TNFAIP8: variants seen among roughly 807,000 people sequenced by gnomAD.
TNFAIP8 encodes the protein tumor necrosis factor alpha-induced protein 8.
In TNFAIP8, 7 loss-of-function variants were observed where a neutral mutation model predicts 13.3. The observed-to-expected ratio is 0.52, with a 90% CI of 0.30 to 0.99. The LOEUF (loss-of-function observed/expected upper bound fraction) is 0.99. TNFAIP8 is among the 50% of genes least tolerant of loss of function. The pLI is 0.07. For synonymous variants in TNFAIP8, 94 were observed against 87.6 expected (o/e 1.07, Z -0.41); for missense variants, 258 against 236.9 (o/e 1.09, Z -0.58).
chr5:119,273,818 G>A (rs796167003), intron 1 of TNFAIP8, among the ~76,000 whole-genome samples: 20 of 152,266 alleles, frequency 1.3e-4, no homozygotes, highest in African/African-American at 4.8e-4. Flanking sequence ...AGGCACCGGG[G>A]CAAGGTCTTT....
intron 1 of TNFAIP8, among the ~76,000 whole-genome samples, chr5:119,390,202 A>T (rs930116882): frequency 6.6e-6 from 1 of 150,466 alleles, no homozygotes; most frequent in Non-Finnish European, 1.5e-5. Flanking sequence ...CTAAAACATT[A>T]AAAAAAAACA....
chr5:119,301,118 GC>G lies in TNFAIP8; in HGVS notation c.1+32213del, dbSNP rs200350012. ...CAGCTTCCGGTCCATTCCTGGACTT[GC>G]CACCCAGTTGCATTACTTCTTATGT... On this transcript the variant is annotated intron_variant, in intron 1 of 1. Coordinates refer to the TNFAIP8 transcript ENST00000274456. Among the ~76,000 whole-genome samples, 74 of 152,254 alleles carry G rather than the reference GC, an allele frequency of 4.9e-4. 3 individuals are homozygous for G. The East Asian group carries it at 0.013, about 28-fold the overall frequency.
At chr5:119,285,210 C>G (rs1342350017) in intron 1 of TNFAIP8, among the ~76,000 whole-genome samples, 11 of 152,204 alleles carry the variant, frequency 7.2e-5, no homozygotes, top group Non-Finnish European at 1.6e-4. Flanking sequence ...CTGAGATGCT[C>G]AACCCCTCTG....
chr5:119,270,369 G>C (rs1748249003), intron 1 of TNFAIP8, among the ~76,000 whole-genome samples: 1 of 152,206 alleles, frequency 6.6e-6, no homozygotes, highest in African/African-American at 2.4e-5. Flanking sequence ...GAAACACTTA[G>C]ACACGTTTAT....
At chr5:119,349,565 A>G (rs533758820) in intron 1 of TNFAIP8, among the ~76,000 whole-genome samples, 3 of 152,328 alleles carry the variant, frequency 2.0e-5, no homozygotes, top group African/African-American at 4.8e-5. Flanking sequence ...AGGTCTCCCA[A>G]ATTGAGTCTG....
At chr5:119,382,884 A>G (rs1326933636) in intron 1 of TNFAIP8, among the ~76,000 whole-genome samples, 1 of 152,234 alleles carries the variant, frequency 6.6e-6, no homozygotes, top group East Asian at 1.9e-4. Context: ...CAAGAACCCT[A>G]GTTAATTTGT....
At chr5:119,288,161 A>G (rs1432231679) in intron 1 of TNFAIP8, among the ~76,000 whole-genome samples, 1 of 152,200 alleles carries the variant, frequency 6.6e-6, no homozygotes, top group Non-Finnish European at 1.5e-5. Flanking sequence ...TTCCATCCTC[A>G]TCTGTGGTTA....
intron 1 of TNFAIP8, among the ~76,000 whole-genome samples, chr5:119,370,301 T>G (rs951591641): frequency 6.6e-6 from 1 of 152,170 alleles, no homozygotes; most frequent in African/African-American, 2.4e-5. Context: ...AGAAAGATAT[T>G]ACTTGATTGA....
chr5:119,352,294 A>G (rs559310948), upstream of TNFAIP8, among the ~76,000 whole-genome samples: 1 of 152,348 alleles, frequency 6.6e-6, no homozygotes, highest in South Asian at 2.1e-4. Flanking sequence ...CAGGAGTGAC[A>G]GCCAACTTTT....
intron 1 of TNFAIP8, among the ~76,000 whole-genome samples, chr5:119,298,726 C>T (rs1418462510): frequency 2.6e-5 from 4 of 152,192 alleles, no homozygotes; most frequent in South Asian, 2.1e-4. Flanking sequence ...CCATTCTCCC[C>T]GTCACTTTCA....
At chr5:119,333,670 T>A in intron 1 of TNFAIP8, 1 of 1,446,994 alleles carries the variant, frequency 6.9e-7, no homozygotes, top group Non-Finnish European at 9.4e-7. Flanking sequence ...TTAGATATAA[T>A]GTCTTTGTTG....
intron 1 of TNFAIP8, among the ~76,000 whole-genome samples, chr5:119,376,384 G>A (rs1389745093): frequency 6.6e-6 from 1 of 152,098 alleles, no homozygotes; most frequent in Admixed American, 6.5e-5. Flanking sequence ...GCCTCCCAAA[G>A]TGCTGGGATT....
chr5:119,348,891 A>G (rs1411110370), intron 1 of TNFAIP8, among the ~76,000 whole-genome samples: 2 of 58,162 alleles, frequency 3.4e-5, no homozygotes, highest in Non-Finnish European at 6.5e-5. Flanking sequence ...AAAAAAAAAA[A>G]AAAAAAAAAA....
chr5:119,294,011 G>T (rs1051082806), intron 1 of TNFAIP8, among the ~76,000 whole-genome samples: 1 of 151,808 alleles, frequency 6.6e-6, no homozygotes, highest in Non-Finnish European at 1.5e-5. Flanking sequence ...CACTTTTAAC[G>T]TGTTAGCTCT....
intron 1 of TNFAIP8, among the ~76,000 whole-genome samples, chr5:119,285,175 C>T (rs978601322): frequency 2.1e-4 from 32 of 152,216 alleles, no homozygotes; most frequent in Admixed American, 1.7e-3. Flanking sequence ...GGCGAGCAGG[C>T]GAGCAGACTG....
chr5:119,348,664 T>C (rs1750998373), intron 1 of TNFAIP8, among the ~76,000 whole-genome samples: 1 of 152,056 alleles, frequency 6.6e-6, no homozygotes, highest in African/African-American at 2.4e-5. Context: ...GTGGATCACC[T>C]GAGGTCAGGA....
intron 1 of TNFAIP8, among the ~76,000 whole-genome samples, chr5:119,307,450 G>T (rs527669730): frequency 6.6e-6 from 1 of 152,148 alleles, no homozygotes; most frequent in African/African-American, 2.4e-5. Flanking sequence ...GCTAGCTTCT[G>T]TGTTTTTCAG....
chr5:119,345,892 A>G (rs1288196562), intron 1 of TNFAIP8, among the ~76,000 whole-genome samples: 1 of 152,216 alleles, frequency 6.6e-6, no homozygotes, highest in Non-Finnish European at 1.5e-5. Flanking sequence ...ACAATTTTTA[A>G]AAAATACAAA....
At chr5:119,290,890 G>A (rs1172014586) in intron 1 of TNFAIP8, among the ~76,000 whole-genome samples, 2 of 152,152 alleles carry the variant, frequency 1.3e-5, no homozygotes, top group Non-Finnish European at 2.9e-5. Flanking sequence ...AGTGTGGCTG[G>A]AGTAAAGCCT....
Sources: gnomAD v4.1 joint callset for allele counts (sites outside exome capture counted in the v4.1 genomes callset) on GRCh38, gnomAD v4.1.1 for gene constraint, MANE v1.5 for transcripts, NCBI Gene and HGNC (gene_info 2026-07-23, HGNC 2026-07-21) for gene names.